Variants in RHOBTB1 observed in about 807,000 individuals in gnomAD.
RHOBTB1 encodes Rho related BTB domain containing 1.
RHOBTB1 carries 40 observed loss-of-function variants against 71.6 expected under a neutral mutation model. The observed-to-expected ratio is 0.56, with a 90% confidence interval of 0.43 to 0.73. The LOEUF is 0.73. Ranked by LOEUF, RHOBTB1 falls within the 30% of genes least tolerant of loss-of-function variation. The pLI is 0.00. For missense variants in RHOBTB1, 797 were observed against 894.0 expected (o/e 0.89, Z 1.38); for synonymous variants, 319 against 334.9 (o/e 0.95, Z 0.52).
At position 60,928,809 on chromosome 10, in the gene RHOBTB1, A is replaced by G. The variant is rs1486700562; in HGVS notation, c.-11+12995T>C. On this transcript the variant is annotated intron_variant, in intron 2 of 10. Transcript: ENST00000337910. Reference sequence around the variant, plus strand: ...AATGTTTCTAACACAAAAAAATGATAAATGCTTGAGGTTATGGAAACCCCA... The same window carrying G: ...AATGTTTCTAACACAAAAAAATGATGAATGCTTGAGGTTATGGAAACCCCA... Among the ~76,000 whole-genome samples the G allele has an allele frequency of 5.9e-5, 9 of 152,312 alleles. No individual in the cohort carries two copies. The South Asian group carries it at 1.9e-3, about 32-fold the overall frequency.
chr10:60,911,671 A>G, intron 2 of RHOBTB1, 119 bp from the exon 3 acceptor site: 1 of 776,368 alleles, frequency 1.3e-6, no homozygotes. Context: ...GTGCACAAGC[A>G]CAGGAAAGAA....
intron 8 of RHOBTB1, among the ~76,000 whole-genome samples, chr10:60,876,712 T>C (rs1476076788): frequency 6.6e-6 from 1 of 152,150 alleles, no homozygotes; most frequent in Non-Finnish European, 1.5e-5. Context: ...TTAAAAACAG[T>C]TTTTAAAAAT....
chr10:60,985,512 T>C (rs1016364284), intron 2 of RHOBTB1, among the ~76,000 whole-genome samples: 2 of 152,212 alleles, frequency 1.3e-5, no homozygotes, highest in Non-Finnish European at 2.9e-5. Context: ...AGAGTCCACA[T>C]GTCAATTTCC....
intron 2 of RHOBTB1, among the ~76,000 whole-genome samples, chr10:60,924,035 A>G (rs1341940314): frequency 3.9e-5 from 6 of 152,178 alleles, no homozygotes; most frequent in African/African-American, 1.4e-4. Context: ...CCACTACAAA[A>G]AAGAGGAAGG....
chr10:60,945,908 G>T (rs1419464445), upstream of RHOBTB1, among the ~76,000 whole-genome samples: 1 of 152,204 alleles, frequency 6.6e-6, no homozygotes, highest in Non-Finnish European at 1.5e-5. Flanking sequence ...GGCCCAGGCG[G>T]GTGGCTCACG....
At chr10:60,910,646 C>A (rs1589269685) in intron 4 of RHOBTB1, among the ~76,000 whole-genome samples, 2 of 152,310 alleles carry the variant, frequency 1.3e-5, no homozygotes, top group East Asian at 1.9e-4. Context: ...ATCTAGCAAA[C>A]CTTCCAGCTT....
intron 2 of RHOBTB1, among the ~76,000 whole-genome samples, chr10:60,975,977 G>A (rs1316675180): frequency 2.6e-5 from 4 of 152,056 alleles, no homozygotes; most frequent in Non-Finnish European, 5.9e-5. Context: ...TGCCCAGTCA[G>A]TTCATTGTTG....
intron 2 of RHOBTB1, among the ~76,000 whole-genome samples, chr10:60,930,537 A>G (rs2084182101): frequency 6.6e-6 from 1 of 152,192 alleles, no homozygotes; most frequent in Non-Finnish European, 1.5e-5. Context: ...TGCAACCCAA[A>G]TAAAATTGGG....
chr10:60,864,305 G>A, the RHOBTB1 span, among the ~76,000 whole-genome samples: 5 of 152,146 alleles, frequency 3.3e-5, no homozygotes, highest in Admixed American at 2.6e-4. Flanking sequence ...TTATCACAAC[G>A]CATGGCCATA....
At chr10:60,964,560 A>G (rs1366094482) in intron 2 of RHOBTB1, among the ~76,000 whole-genome samples, 1 of 152,052 alleles carries the variant, frequency 6.6e-6, no homozygotes, top group Non-Finnish European at 1.5e-5. Context: ...AAATTTCTTT[A>G]TTATGTCTAT....
intron 2 of RHOBTB1, among the ~76,000 whole-genome samples, chr10:60,967,072 A>T (rs948884223): frequency 6.6e-6 from 1 of 152,026 alleles, no homozygotes; most frequent in Non-Finnish European, 1.5e-5. Context: ...GCGATGCAGT[A>T]TGGTTGTTTC....
intron 4 of RHOBTB1, among the ~76,000 whole-genome samples, chr10:60,905,319 G>A (rs1024470816): frequency 3.3e-5 from 5 of 151,450 alleles, no homozygotes; most frequent in African/African-American, 4.9e-5. Context: ...GTGTGGTGGT[G>A]GGCACCTGTA....
chr10:60,936,593 C>T (rs569987365), intron 2 of RHOBTB1, among the ~76,000 whole-genome samples: 3 of 152,216 alleles, frequency 2.0e-5, no homozygotes, highest in African/African-American at 7.2e-5. Flanking sequence ...TGAATTTCAG[C>T]GTAAGATATA....
chr10:60,880,177 C>CTCTGTGTGTGTG (rs370670323), intron 7 of RHOBTB1, among the ~76,000 whole-genome samples: 119 of 100,420 alleles, frequency 1.2e-3, no homozygotes, highest in African/African-American at 4.5e-3. Context: ...TGAGGGATGA[C>CTCTGTGTGTGTG]TGTGTGTGTG....
intron 1 of RHOBTB1, among the ~76,000 whole-genome samples, chr10:60,992,808 A>T (rs2086913235): frequency 1.3e-5 from 2 of 152,150 alleles, no homozygotes; most frequent in South Asian, 4.1e-4. Flanking sequence ...CACAAAGGGG[A>T]AAAAAACACA....
intron 4 of RHOBTB1, among the ~76,000 whole-genome samples, chr10:60,909,701 A>C (rs1475322747): frequency 6.6e-6 from 1 of 152,210 alleles, no homozygotes; most frequent in Non-Finnish European, 1.5e-5. Flanking sequence ...AAAGAAAAAA[A>C]ATCCAGGAAA....
At chr10:60,930,001 A>C (rs951024983) in intron 2 of RHOBTB1, among the ~76,000 whole-genome samples, 1 of 152,204 alleles carries the variant, frequency 6.6e-6, no homozygotes. Flanking sequence ...TTGTCAACCA[A>C]ATTCTCTGGC....
At chr10:60,900,291 A>G (rs1380434316) in intron 4 of RHOBTB1, among the ~76,000 whole-genome samples, 1 of 152,066 alleles carries the variant, frequency 6.6e-6, no homozygotes, top group Non-Finnish European at 1.5e-5. Context: ...TCCGAGAGAG[A>G]GGATGGTGAC....
At chr10:60,996,686 C>T (rs1000136301) in intron 1 of RHOBTB1, among the ~76,000 whole-genome samples, 15 of 152,172 alleles carry the variant, frequency 9.9e-5, no homozygotes, top group African/African-American at 3.4e-4. Context: ...CCACTCAGCA[C>T]CCTTACTTCT....
Sources: gnomAD v4.1 joint callset for allele counts (sites outside exome capture counted in the v4.1 genomes callset) on GRCh38, gnomAD v4.1.1 for gene constraint, MANE v1.5 for transcripts, NCBI Gene and HGNC (gene_info 2026-07-23, HGNC 2026-07-21) for gene names.